Variants in NOX4 observed in about 807,000 individuals in gnomAD.
The protein encoded by NOX4 is kidney oxidase-1.
In NOX4, 69 loss-of-function variants were observed where a neutral mutation model predicts 87.6. The ratio of observed to expected loss-of-function variants is 0.79; its 90% CI spans 0.65 to 0.96. NOX4 has a LOEUF of 0.96. NOX4 is among the 40% of genes least tolerant of loss of function. NOX4 has a pLI of 0.00. For missense variants in NOX4, 680 were observed against 681.5 expected (o/e 1.00, Z 0.02); for synonymous variants, 275 against 238.2 (o/e 1.15, Z -1.42).
chr11:89,445,626 T>C (rs561223834), intron 4 of NOX4, among the ~76,000 whole-genome samples: 11 of 152,270 alleles, frequency 7.2e-5, no homozygotes, highest in South Asian at 2.1e-4. Flanking sequence ...AGAAAATGCG[T>C]TTGTCACAAA....
At chr11:89,577,093 T>A in the NOX4 span, 2 of 152,252 alleles carry the variant, frequency 1.3e-5, no homozygotes, top group African/African-American at 2.4e-5. Flanking sequence ...TGCAAGGTGG[T>A]ATTAATAATA....
At chr11:89,409,123 T>G (rs1942338197) in intron 8 of NOX4, among the ~76,000 whole-genome samples, 1 of 152,156 alleles carries the variant, frequency 6.6e-6, no homozygotes, top group Admixed American at 6.6e-5. Context: ...CATCCATTAC[T>G]TCTTAGTATT....
At chr11:89,494,950 TTTC>T (rs1337227116), upstream of NOX4, among the ~76,000 whole-genome samples, 1 of 152,140 alleles carries the variant, frequency 6.6e-6, no homozygotes, top group African/African-American at 2.4e-5. Context: ...AATATTTTCT[TTTC>T]TTCTTTTGAG....
chr11:89,531,143 G>A, the NOX4 span, among the ~76,000 whole-genome samples: 1 of 152,108 alleles, frequency 6.6e-6, no homozygotes, highest in Non-Finnish European at 1.5e-5. Flanking sequence ...TTTTCATCAA[G>A]AGGATAAATG....
At chr11:89,335,181 A>G (rs986910399) in intron 17 of NOX4, among the ~76,000 whole-genome samples, 1 of 151,798 alleles carries the variant, frequency 6.6e-6, no homozygotes, top group Non-Finnish European at 1.5e-5. Context: ...ATCTTCTTAG[A>G]ATTCTTATAG....
At chr11:89,367,320 A>G (rs1939083200) in intron 12 of NOX4, among the ~76,000 whole-genome samples, 1 of 152,104 alleles carries the variant, frequency 6.6e-6, no homozygotes, top group South Asian at 2.1e-4. Flanking sequence ...AAAATCAATC[A>G]TTCTCATAGT....
At chr11:89,364,617 T>C (rs1472794295) in intron 12 of NOX4, among the ~76,000 whole-genome samples, 1 of 152,016 alleles carries the variant, frequency 6.6e-6, no homozygotes, top group African/African-American at 2.4e-5. Context: ...CCAGAGCTAA[T>C]GAATGAATAA....
At chr11:89,486,466 G>T (rs951373165) in intron 2 of NOX4, among the ~76,000 whole-genome samples, 2 of 98,028 alleles carry the variant, frequency 2.0e-5, no homozygotes, top group East Asian at 6.7e-4. Flanking sequence ...GCTAATATAT[G>T]TGTGTGTGTG....
At chr11:89,493,631 C>T (rs544914915), upstream of NOX4, among the ~76,000 whole-genome samples, 2 of 151,868 alleles carry the variant, frequency 1.3e-5, no homozygotes, top group Non-Finnish European at 2.9e-5. Context: ...TACTCCAAGC[C>T]ATCCCCAAGG....
At chr11:89,440,783 G>C in intron 5 of NOX4, 68 bp from the exon 6 acceptor site, 1 of 888,520 alleles carries the variant, frequency 1.1e-6, no homozygotes, top group Non-Finnish European at 1.7e-6. Context: ...TCTATAAAGA[G>C]TATGCAGGAT....
intron 7 of NOX4, among the ~76,000 whole-genome samples, chr11:89,431,325 C>CA (rs1383556162): frequency 6.6e-6 from 1 of 152,078 alleles, no homozygotes; most frequent in East Asian, 1.9e-4. Context: ...ACACCAAAAG[C>CA]AATGGCAACA....
chr11:89,562,265 C>A, the NOX4 span, among the ~76,000 whole-genome samples: 1 of 151,858 alleles, frequency 6.6e-6, no homozygotes, highest in Non-Finnish European at 1.5e-5. Flanking sequence ...AATGAGAAAA[C>A]AGAATTGAGA....
chr11:89,514,009 C>G, the NOX4 span, among the ~76,000 whole-genome samples: 2 of 151,964 alleles, frequency 1.3e-5, no homozygotes, highest in Admixed American at 6.6e-5. Context: ...GCCTCTAGAA[C>G]CACAAGGTAA....
At chr11:89,532,055 C>T in the NOX4 span, among the ~76,000 whole-genome samples, 1 of 152,154 alleles carries the variant, frequency 6.6e-6, no homozygotes, top group African/African-American at 2.4e-5. Context: ...CATGGAAATG[C>T]CTGGATGTCC....
At chr11:89,341,940 C>T in intron 14 of NOX4, 134 bp downstream of exon 14, 5 of 749,706 alleles carry the variant, frequency 6.7e-6, no homozygotes, top group Non-Finnish European at 1.1e-5. Flanking sequence ...ATTCCCCTCA[C>T]CAATCAGGAA....
the NOX4 span, among the ~76,000 whole-genome samples, chr11:89,536,916 A>G: frequency 7.2e-5 from 11 of 152,324 alleles, no homozygotes; most frequent in Non-Finnish European, 1.6e-4. Flanking sequence ...ATCATTTCCA[A>G]TGAGAAGTGT....
chr11:89,395,681 T>C (rs1941434734), intron 11 of NOX4, among the ~76,000 whole-genome samples: 1 of 152,174 alleles, frequency 6.6e-6, no homozygotes, highest in Non-Finnish European at 1.5e-5. Context: ...AATTTTTGTA[T>C]AAGGTGTAAG....
chr11:89,438,477 T>C (rs1283633755), intron 6 of NOX4, among the ~76,000 whole-genome samples: 2 of 84,300 alleles, frequency 2.4e-5, no homozygotes, highest in Non-Finnish European at 3.9e-5. Context: ...TATTATATAC[T>C]ATATATACTA....
At chr11:89,493,988 C>T (rs1261510144), upstream of NOX4, among the ~76,000 whole-genome samples, 1 of 152,046 alleles carries the variant, frequency 6.6e-6, no homozygotes, top group South Asian at 2.1e-4. Context: ...CTCCTGACCT[C>T]AGGTGATCCA....
Sources: gnomAD v4.1 joint callset for allele counts (sites outside exome capture counted in the v4.1 genomes callset) on GRCh38, gnomAD v4.1.1 for gene constraint, MANE v1.5 for transcripts, NCBI Gene and HGNC (gene_info 2026-07-23, HGNC 2026-07-21) for gene names.